Variants in PIWIL3 observed in about 807,000 individuals in gnomAD.
PIWIL3 encodes piwi-like protein 3.
A neutral mutation model predicts 109.7 loss-of-function variants in PIWIL3; 101 were observed. That is an observed-to-expected ratio of 0.92 (90% CI 0.78 to 1.09). PIWIL3 has a LOEUF of 1.09. Among genes scored for constraint, PIWIL3 ranks in the 50% least tolerant of loss-of-function variants. PIWIL3 has a pLI of 0.00. For missense variants in PIWIL3, 1,031 were observed against 1,072.6 expected, an observed-to-expected ratio of 0.96 and a Z score of 0.54; for synonymous variants, 373 against 376.4, an observed-to-expected ratio of 0.99 and a Z score of 0.10.
chr22:24,756,707 T>C lies in PIWIL3; in HGVS notation c.356-2A>G, dbSNP rs1479593232. ...GCTGTACCACTGTACCCTCTGAACC[T>C]GAAAAATGGAGCCACATGACAATAA... On this transcript the variant is annotated splice_acceptor_variant, in intron 4 of 20. Coordinates refer to ENST00000616349, the MANE Select transcript of PIWIL3 (RefSeq NM_001255975.1). LOFTEE classifies it high-confidence loss of function. 3 of 1,608,908 alleles carry C rather than the reference T, an allele frequency of 1.9e-6. No individual in the cohort carries two copies. Among genetic ancestry groups the C allele is most frequent in the Non-Finnish European group, 2.6e-6 (3 of 1,176,234 alleles).
intron 18 of PIWIL3, among the ~76,000 whole-genome samples, chr22:24,723,648 G>A (rs1922812878): frequency 6.6e-6 from 1 of 152,198 alleles, no homozygotes; most frequent in Admixed American, 6.5e-5. Context: ...AGAAGGATAA[G>A]TGTGAACTAT....
chr22:24,730,312 C>G (rs531704689), intron 14 of PIWIL3, among the ~76,000 whole-genome samples: 1 of 135,884 alleles, frequency 7.4e-6, no homozygotes, highest in East Asian at 2.3e-4. Flanking sequence ...TGCAGTGAGC[C>G]GAGATTGCAT....
chr22:24,744,177 T>TGAA (rs751591202), intron 12 of PIWIL3, among the ~76,000 whole-genome samples: 17,370 of 35,296 alleles, frequency 0.49, 5,132 homozygotes, highest in East Asian at 0.62. Flanking sequence ...AGTGACCGAA[T>TGAA]TAAAAAAAAA....
chr22:24,742,151 CAAAAAA>C (rs61071998), intron 12 of PIWIL3, among the ~76,000 whole-genome samples: 1,468 of 94,598 alleles, frequency 0.016, 36 homozygotes, highest in African/African-American at 0.055. Context: ...ACAATAGCTG[CAAAAAA>C]AAAAAAAAAA....
intron 1 of PIWIL3, among the ~76,000 whole-genome samples, chr22:24,766,595 T>C (rs1172829788): frequency 2.0e-5 from 3 of 152,132 alleles, no homozygotes; most frequent in Non-Finnish European, 4.4e-5. Flanking sequence ...GTGCTGGGAT[T>C]ACAGGCGTGA....
chr22:24,749,653 T>C, intron 10 of PIWIL3, 40 bp downstream of exon 10: 1 of 1,614,072 alleles, frequency 6.2e-7, no homozygotes, highest in Non-Finnish European at 8.5e-7. Context: ...TAAGTCGTAA[T>C]TATACCTGAC....
At chr22:24,740,932 C>T (rs1923968847) in intron 12 of PIWIL3, among the ~76,000 whole-genome samples, 1 of 152,124 alleles carries the variant, frequency 6.6e-6, no homozygotes. Context: ...CACCCTAATA[C>T]CAAAACCAAG....
intron 1 of PIWIL3, among the ~76,000 whole-genome samples, chr22:24,764,060 A>C (rs1407352546): frequency 2.6e-5 from 4 of 152,062 alleles, no homozygotes; most frequent in Admixed American, 6.5e-5. Flanking sequence ...GGTCACCAAA[A>C]TGGCCCGGGG....
At chr22:24,755,746 C>A (rs367762637) in intron 6 of PIWIL3, 38 bp downstream of exon 6, 1 of 1,611,328 alleles carries the variant, frequency 6.2e-7, no homozygotes, top group Non-Finnish European at 8.5e-7. Flanking sequence ...GTAAAACAAC[C>A]GAATGAGTAT....
rs143486491 is a variant in PIWIL3 at position 24,725,471 on chromosome 22, A to G, written c.2054T>C (p.Val685Ala). 13 of 1,614,032 alleles carry G rather than the reference A, an allele frequency of 8.1e-6. No individual in the cohort carries two copies. Among genetic ancestry groups the G allele is most frequent in the Non-Finnish European group, 1.1e-5 (13 of 1,180,048 alleles). ...CVIQKTGEEL[V>A]KELEICLKAA... is the part of the protein sequence containing the mutation. Reference sequence around the variant, plus strand: ...TTTCAAGCAGATCTCCAGCTCTTTCACAAGCTCTTCTCCTGTTTTCTGGAT... The same window carrying G: ...TTTCAAGCAGATCTCCAGCTCTTTCGCAAGCTCTTCTCCTGTTTTCTGGAT... The change falls in exon 17 of 21, where the codon GTG (valine) becomes GCG (alanine). Residue 685 changes from valine to alanine, a missense_variant. By Grantham distance (64) the Val-to-Ala change is moderately conservative. Transcript: ENST00000616349.
At chr22:24,724,786 G>A in intron 18 of PIWIL3, 101 bp downstream of exon 18, 1 of 1,301,930 alleles carries the variant, frequency 7.7e-7, no homozygotes, top group African/African-American at 1.5e-5. Context: ...TGCCCAAGCT[G>A]GTCTTGAACT....
intron 4 of PIWIL3, among the ~76,000 whole-genome samples, chr22:24,757,433 G>A (rs1925115884): frequency 6.6e-6 from 1 of 152,010 alleles, no homozygotes; most frequent in Non-Finnish European, 1.5e-5. Flanking sequence ...CAAGGTGGGA[G>A]GCACCTCTAC....
chr22:24,758,028 G>T lies in PIWIL3; in HGVS notation c.235C>A (p.Pro79Thr), dbSNP rs775813379. The T allele has an allele frequency of 6.2e-7, 1 of 1,611,292 alleles. No homozygotes were observed. Among genetic ancestry groups the T allele is most frequent in the Non-Finnish European group, 8.5e-7 (1 of 1,179,290 alleles). Residue 79 changes from proline (P) to threonine (T), a missense_variant, in exon 4 of 21, where the codon CCT becomes ACT. Transcript: ENST00000616349. ...GGAQSQGVKEPGPEAGLHTAP... is the reference protein window; with the variant it reads ...GGAQSQGVKETGPEAGLHTAP... ...GTATGCAACCCAGCCTCAGGTCCAG[G>T]TTCCTTCACCCCTGCATAAATGTAA...
At chr22:24,771,929 C>T (rs576657947) in intron 1 of PIWIL3, among the ~76,000 whole-genome samples, 6 of 152,226 alleles carry the variant, frequency 3.9e-5, no homozygotes, top group African/African-American at 9.6e-5. Context: ...CTCCTGACCT[C>T]GTGATCCACC....
In PIWIL3 at chr22:24,721,516, T is replaced by C. The variant is rs557331547; in HGVS notation, c.2357+1614A>G. ...CTTCTATTTGGTATAGAGCAAATCTTATTTTGCCTTACATTTTTCTAAACA... is the reference window on the plus strand; with the variant it reads ...CTTCTATTTGGTATAGAGCAAATCTCATTTTGCCTTACATTTTTCTAAACA... On this transcript the variant is annotated intron_variant, in intron 19 of 20. Coordinates refer to ENST00000616349, the MANE Select transcript of PIWIL3 (RefSeq NM_001255975.1). Among the ~76,000 whole-genome samples the C allele has an allele frequency of 2.6e-5, 4 of 152,308 alleles. No individual in the cohort carries two copies. The South Asian group carries it at 8.3e-4, about 32-fold the overall frequency.
At chr22:24,729,486 A>T (rs1294559124) in intron 14 of PIWIL3, among the ~76,000 whole-genome samples, 1 of 152,208 alleles carries the variant, frequency 6.6e-6, no homozygotes, top group Non-Finnish European at 1.5e-5. Flanking sequence ...TTTACTGCTG[A>T]GTAAGCAAAC....
chr22:24,740,813 G>A (rs1017036756), intron 12 of PIWIL3, among the ~76,000 whole-genome samples: 1 of 152,132 alleles, frequency 6.6e-6, no homozygotes, highest in African/African-American at 2.4e-5. Flanking sequence ...TGGATTCACA[G>A]CTGAATTCTG....
intron 1 of PIWIL3, among the ~76,000 whole-genome samples, chr22:24,768,217 T>G (rs1569114117): frequency 6.6e-6 from 1 of 152,090 alleles, no homozygotes; most frequent in African/African-American, 2.4e-5. Context: ...TTTTTCTTTT[T>G]TTGTTGTTGT....
chr22:24,744,195 A>AAAAAAAAAAAAAC (rs1924204842), intron 12 of PIWIL3, among the ~76,000 whole-genome samples: 2 of 145,894 alleles, frequency 1.4e-5, no homozygotes, highest in African/African-American at 5.2e-5. Flanking sequence ...AAAAAAAAAA[A>AAAAAAAAAAAAAC]AAAAAAAAAA....
Sources: allele counts gnomAD v4.1 joint callset (sites outside exome capture counted in the v4.1 genomes callset), GRCh38; gene constraint gnomAD v4.1.1; transcripts MANE v1.5; gene names NCBI Gene and HGNC (gene_info 2026-07-23, HGNC 2026-07-21).